Variants in EXD3 observed in about 807,000 individuals in gnomAD.
EXD3 encodes exonuclease 3'-5' domain containing 3.
In EXD3, 92 loss-of-function variants were observed where a neutral mutation model predicts 98.0. That is an observed-to-expected ratio of 0.94 (90% CI 0.79 to 1.12). The LOEUF (loss-of-function observed/expected upper bound fraction) is 1.12, where lower values mean the gene tolerates loss of function less well. Among genes scored for constraint, EXD3 ranks in the 50% most tolerant of loss-of-function variants. EXD3 has a pLI of 0.00. For missense variants in EXD3, 1,222 were observed against 1,191.6 expected (o/e 1.03, Z -0.38); for synonymous variants, 569 against 526.0 (o/e 1.08, Z -1.12).
At position 137,407,120 on chromosome 9, in the gene EXD3, G is replaced by GCACCCC. The variant is rs1194959926; in HGVS notation, c.-47-11722_-47-11717dup. Among the ~76,000 whole-genome samples, 4 of 152,202 alleles carry GCACCCC rather than the reference G, an allele frequency of 2.6e-5. 1 individual carries two copies. In the East Asian group the frequency reaches 7.8e-4, roughly 30 times the overall value. ...CGGCCTGCGGAGCAGCCAGTCCCGG[G>GCACCCC]CACCCCACGCCGACCGCCGCGCGTC... On this transcript the variant is annotated intron_variant, in intron 1 of 21. Transcript: ENST00000340951. The surrounding 1 kb of genome is among the most constrained non-coding windows in gnomAD (Gnocchi z 4.4).
intron 3 of EXD3, among the ~76,000 whole-genome samples, chr9:137,380,946 A>C (rs1444664877): frequency 6.6e-6 from 1 of 150,816 alleles, no homozygotes; most frequent in Non-Finnish European, 1.5e-5. Flanking sequence ...CTAAAAATAC[A>C]AAAATAGCCA....
chr9:137,409,442 C>T (rs1016753882), intron 1 of EXD3, among the ~76,000 whole-genome samples: 2 of 152,212 alleles, frequency 1.3e-5, no homozygotes, highest in Admixed American at 6.5e-5. Context: ...ACTGGCCCGG[C>T]GTGGTGGCTC....
intron 8 of EXD3, among the ~76,000 whole-genome samples, chr9:137,355,678 T>A (rs78308725): frequency 0.39 from 4,042 of 10,398 alleles, 420 homozygotes; most frequent in African/African-American, 0.48. Flanking sequence ...AAAGGGAGGA[T>A]GGAGGAAGGA....
chr9:137,400,127 T>C (rs1332616811), intron 1 of EXD3, among the ~76,000 whole-genome samples: 3 of 150,808 alleles, frequency 2.0e-5, no homozygotes, highest in Non-Finnish European at 2.9e-5. Context: ...ATCAGAAGAA[T>C]AGCATGGGAA....
At chr9:137,316,778 C>A (rs1055928497) in intron 19 of EXD3, among the ~76,000 whole-genome samples, 4 of 152,104 alleles carry the variant, frequency 2.6e-5, no homozygotes, top group Non-Finnish European at 4.4e-5. Flanking sequence ...GAGGAGGCCG[C>A]GGTGGGAGCC....
intron 10 of EXD3, chr9:137,353,378 C>A: frequency 2.0e-6 from 2 of 985,420 alleles, no homozygotes; most frequent in Non-Finnish European, 2.4e-6. Flanking sequence ...GGAGCACCTG[C>A]CCAGCCTGCC....
chr9:137,390,398 C>T (rs1328950785), intron 2 of EXD3, among the ~76,000 whole-genome samples: 1 of 149,856 alleles, frequency 6.7e-6, no homozygotes, highest in Non-Finnish European at 1.5e-5. Flanking sequence ...TGCCACTGCA[C>T]TCCAGCCTGG....
chr9:137,330,222 GA>G (rs1397367060), intron 17 of EXD3, among the ~76,000 whole-genome samples: 28 of 137,124 alleles, frequency 2.0e-4, no homozygotes, highest in Middle Eastern at 8.8e-3. Context: ...AGCTACACAG[GA>G]ACTACACAGG....
At chr9:137,400,029 CAAAAAAAA>C (rs36029399) in intron 1 of EXD3, among the ~76,000 whole-genome samples, 3 of 73,330 alleles carry the variant, frequency 4.1e-5, no homozygotes, top group African/African-American at 6.4e-5. Context: ...AACTCCATCT[CAAAAAAAA>C]AAAAAAAAAA....
chr9:137,386,069 G>A (rs920306140), intron 2 of EXD3, among the ~76,000 whole-genome samples: 3 of 152,154 alleles, frequency 2.0e-5, no homozygotes, highest in South Asian at 2.1e-4. Context: ...GCTGAGGTGG[G>A]TGGGTCGCTT....
intron 17 of EXD3, among the ~76,000 whole-genome samples, chr9:137,338,163 A>G (rs769951589): frequency 1.3e-5 from 2 of 152,220 alleles, no homozygotes; most frequent in Non-Finnish European, 2.9e-5. Context: ...AGCAAATCTT[A>G]AGAAATTTCC....
intron 1 of EXD3, among the ~76,000 whole-genome samples, chr9:137,408,197 C>T (rs1253849742): frequency 6.6e-6 from 1 of 152,088 alleles, no homozygotes; most frequent in East Asian, 1.9e-4. Context: ...GTGTCTCCTC[C>T]AACATTTGGC....
In EXD3 at chr9:137,307,110, G is replaced by C; in HGVS notation, c.2471C>G (p.Pro824Arg). The C allele has an allele frequency of 6.2e-7, 1 of 1,607,982 alleles. No individual in the cohort carries two copies. Among genetic ancestry groups the C allele is most frequent in the Non-Finnish European group, 8.5e-7 (1 of 1,177,920 alleles). ...AGVPVGVLRT[P>R]GLRCFYCCTG... is the part of the protein sequence containing the mutation. ...GCAGCAGTAGAAGCACCGCAGCCCAGGTGTCCTCAGCACACCCACCGGGAC... is the reference window on the plus strand; with the variant it reads ...GCAGCAGTAGAAGCACCGCAGCCCACGTGTCCTCAGCACACCCACCGGGAC... The change falls in exon 22 of 22, where the codon CCT becomes CGT. Residue 824 changes from proline to arginine, a missense_variant. Physicochemically the swap from Pro to Arg is moderately radical, Grantham distance 103 (BLOSUM62 -2). Transcript: ENST00000340951.
rs988276967 is a variant in EXD3 at position 137,349,221 on chromosome 9, G to T, written c.1719C>A (p.Phe573Leu). Reference protein sequence around the residue: ...HQALCREPARFHLSEDLAGSR... With the variant: ...HQALCREPARLHLSEDLAGSR... ...TCCCAGCCAGGTCCTCCGACAGGTG[G>T]AAGCGGGCGGGCTCTCTGCACAGGG... is the stretch of plus-strand genomic sequence containing the variant. The change falls in exon 16 of 22, where the codon TTC becomes TTA. Residue 573 changes from phenylalanine to leucine, a missense_variant. By Grantham distance (22) the Phe-to-Leu change is conservative (BLOSUM62 0). Transcript: ENST00000340951. This position sits in a 1 kb window ranked among gnomAD's most constrained non-coding sequence, Gnocchi z 7.4. The T allele has an allele frequency of 2.8e-5, 44 of 1,579,174 alleles. No homozygotes were observed. The highest frequency in any genetic ancestry group is 3.8e-5 in the Non-Finnish European group (44 of 1,169,124).
chr9:137,313,648 G>C (rs1021368759), intron 19 of EXD3, among the ~76,000 whole-genome samples: 2 of 152,120 alleles, frequency 1.3e-5, no homozygotes, highest in African/African-American at 4.8e-5. Flanking sequence ...GGTGGGGTCC[G>C]TCGGGCTGGG....
rs1339024272 is a variant in EXD3, at chr9:137,349,161, T to C, written c.1779A>G (p.Ala593=). 3 of 1,596,142 alleles carry C rather than the reference T, an allele frequency of 1.9e-6. No homozygotes were observed. Among genetic ancestry groups the C allele is most frequent in the Non-Finnish European group, 2.5e-6 (3 of 1,177,182 alleles). ...RRPRHRERPG[A]RKPPGLQKAS... is the part of the protein sequence containing the mutation. ...CTTTCTGCAGGCCGGGTGGCTTCCG[T>C]GCCCCTGGTCTCTCTCTGTGCCTGG... The change falls in exon 16 of 22, where the codon GCA becomes GCG. Residue 593 remains alanine, a synonymous_variant. Coordinates refer to ENST00000340951, the MANE Select transcript of EXD3 (RefSeq NM_017820.5). This position sits in a 1 kb window ranked among gnomAD's most constrained non-coding sequence, Gnocchi z 7.4.
chr9:137,389,576 C>T (rs927007545), intron 2 of EXD3, among the ~76,000 whole-genome samples: 4 of 152,102 alleles, frequency 2.6e-5, no homozygotes. Context: ...AAGGGCGGTA[C>T]CAGCTCAGGG....
At chr9:137,387,299 C>T (rs1276260238) in intron 2 of EXD3, among the ~76,000 whole-genome samples, 5 of 152,160 alleles carry the variant, frequency 3.3e-5, no homozygotes, top group Non-Finnish European at 5.9e-5. Flanking sequence ...CCACGGTGCC[C>T]GCCCCAGCCA....
At chr9:137,387,825 T>G (rs1588403922) in intron 2 of EXD3, among the ~76,000 whole-genome samples, 1 of 152,160 alleles carries the variant, frequency 6.6e-6, no homozygotes, top group Non-Finnish European at 1.5e-5. Flanking sequence ...GTCCCCAGCG[T>G]GGATGTTTGG....
Sources: allele counts gnomAD v4.1 joint callset (sites outside exome capture counted in the v4.1 genomes callset), GRCh38; gene constraint gnomAD v4.1.1; non-coding constraint Gnocchi (gnomAD v3.1); transcripts MANE v1.5; gene names NCBI Gene and HGNC (gene_info 2026-07-23, HGNC 2026-07-21).